The following GTF2B variants were observed in gnomAD, a reference collection of about 807,000 sequenced individuals.
GTF2B encodes the protein general transcription factor IIB, also known as transcription initiation factor IIB.
In GTF2B, 20 loss-of-function variants were observed where a neutral mutation model predicts 34.6. The ratio of observed to expected loss-of-function variants is 0.58; its 90% CI spans 0.41 to 0.84. The LOEUF is 0.84. GTF2B is among the 40% of genes least tolerant of loss of function. The pLI, the probability that GTF2B is intolerant of heterozygous loss-of-function variation, is 0.00. For missense variants in GTF2B, 237 were observed against 393.3 expected (o/e 0.60, Z 3.36); for synonymous variants, 142 against 132.4 (o/e 1.07, Z -0.50).
At chr1:88,891,121 G>GT (rs573160185) in intron 1 of GTF2B, among the ~76,000 whole-genome samples, 1 of 26,146 alleles carries the variant, frequency 3.8e-5, no homozygotes, top group South Asian at 2.4e-3. Context: ...AAAAACAAGC[G>GT]GGGGGGGGGG....
At chr1:88,856,479 T>C (rs1022303947) in intron 6 of GTF2B, among the ~76,000 whole-genome samples, 10 of 152,054 alleles carry the variant, frequency 6.6e-5, no homozygotes, top group Admixed American at 6.6e-5. Context: ...TAAAGGCTGA[T>C]GGCCAACACG....
At chr1:88,866,474 T>C (rs1263595062) in intron 2 of GTF2B, among the ~76,000 whole-genome samples, 1 of 152,204 alleles carries the variant, frequency 6.6e-6, no homozygotes, top group Non-Finnish European at 1.5e-5. Context: ...AGTGGTGCAA[T>C]TTTGGCTCAC....
intron 2 of GTF2B, among the ~76,000 whole-genome samples, chr1:88,867,546 G>A (rs1225190261): frequency 6.7e-6 from 1 of 148,198 alleles, no homozygotes; most frequent in Non-Finnish European, 1.5e-5. Flanking sequence ...TAAATTTTAA[G>A]CTAAAAAAAA....
chr1:88,857,083 G>T, intron 6 of GTF2B, 123 bp downstream of exon 6: 1 of 845,852 alleles, frequency 1.2e-6, no homozygotes, highest in Non-Finnish European at 1.9e-6. Flanking sequence ...TTATAGGTGT[G>T]AGCCCCCGCG....
chr1:88,875,726 G>A (rs553286886), intron 2 of GTF2B, among the ~76,000 whole-genome samples: 71 of 152,218 alleles, frequency 4.7e-4, no homozygotes, highest in Middle Eastern at 3.4e-3. Flanking sequence ...AGCTTTTACC[G>A]CGGATACTGT....
At chr1:88,876,048 GAAAAA>G (rs1420770074) in intron 2 of GTF2B, among the ~76,000 whole-genome samples, 4 of 111,296 alleles carry the variant, frequency 3.6e-5, no homozygotes, top group African/African-American at 1.0e-4. Context: ...ATGTTTAAGA[GAAAAA>G]CTGCACCCAA....
At chr1:88,858,432 G>T (rs1414350301) in intron 5 of GTF2B, among the ~76,000 whole-genome samples, 2 of 152,164 alleles carry the variant, frequency 1.3e-5, no homozygotes, top group Non-Finnish European at 2.9e-5. Context: ...GGAATTGAAA[G>T]AAAATACTCA....
intron 2 of GTF2B, among the ~76,000 whole-genome samples, chr1:88,878,580 A>G (rs1041771735): frequency 2.0e-5 from 3 of 152,230 alleles, no homozygotes; most frequent in Admixed American, 6.5e-5. Flanking sequence ...GATGGCAACA[A>G]TATCTCCCAT....
Position 88,887,271 on chromosome 1 carries a change from G to T in GTF2B, c.114C>A (p.Gly38=). ...ATAATAACAACTCACCTACAACCAA[G>T]CCACATTCAGGACAGATCATATCAC... The part of the protein sequence containing the change: ...RAGDMICPEC[G]LVVGDRVIDV... The change falls in exon 2 of 7, where the codon GGC becomes GGA. Residue 38 remains glycine, a synonymous_variant. Transcript: ENST00000370500. 6.3e-7 allele frequency: 1 copy of T among 1,599,874 alleles called. No individual in the cohort carries two copies. The highest frequency in any genetic ancestry group is 8.6e-7 in the Non-Finnish European group (1 of 1,167,498).
In GTF2B at chr1:88,884,370, T is replaced by C. The variant is rs180805270; in HGVS notation, c.124+2891A>G. On this transcript the variant is annotated intron_variant, in intron 2 of 6. Coordinates refer to ENST00000370500, the MANE Select transcript of GTF2B (RefSeq NM_001514.6). ...AAACAACTGCAAAGCAGCAATAACATTGATCTAGTCATCAAGAGCCAAGGA... is the reference window on the plus strand; with the variant it reads ...AAACAACTGCAAAGCAGCAATAACACTGATCTAGTCATCAAGAGCCAAGGA... Among the ~76,000 whole-genome samples, 25 of 152,284 alleles carry C rather than the reference T, an allele frequency of 1.6e-4. No homozygotes were observed. In the East Asian group the frequency reaches 1.9e-3, roughly 12 times the overall value.
chr1:88,864,006 C>A lies in GTF2B; in HGVS notation c.233G>T (p.Gly78Val). The stretch of plus-strand genomic sequence containing the variant: ...CTTGCCAATCATGGTAGACAAATCT[C>A]CATCACTCAGAAGAGGATTCTGAGA... Reference protein sequence around the residue: ...GDSQNPLLSDGDLSTMIGKGT... With the variant: ...GDSQNPLLSDVDLSTMIGKGT... The change falls in exon 3 of 7, where the codon GGA (glycine) becomes GTA (valine). Residue 78 changes from glycine to valine, a missense_variant. This residue lies in a region of GTF2B where 130 missense variants were observed against 170.9 expected (regional missense o/e 0.76). Coordinates refer to ENST00000370500, the MANE Select transcript of GTF2B (RefSeq NM_001514.6). 6.2e-7 allele frequency: 1 copy of A among 1,613,794 alleles called. No homozygotes were observed.
intron 6 of GTF2B, 79 bp downstream of exon 6, chr1:88,857,127 G>C (rs981555971): frequency 2.3e-6 from 3 of 1,314,712 alleles, no homozygotes; most frequent in East Asian, 2.3e-5. Context: ...CTATTTACCC[G>C]GTTCAGACTT....
chr1:88,887,970 T>G (rs1674116732), intron 1 of GTF2B: 1 of 152,300 alleles, frequency 6.6e-6, no homozygotes, highest in South Asian at 2.1e-4. Context: ...GTGATATTAA[T>G]AATTAGCTCA....
At chr1:88,862,123 TAA>T (rs1452117338) in intron 3 of GTF2B, among the ~76,000 whole-genome samples, 3 of 152,208 alleles carry the variant, frequency 2.0e-5, no homozygotes, top group South Asian at 2.1e-4. Context: ...CTAGTGCTAC[TAA>T]ATACTAAAAC....
intron 2 of GTF2B, among the ~76,000 whole-genome samples, chr1:88,866,933 G>A (rs142094523): frequency 4.7e-4 from 72 of 152,246 alleles, no homozygotes; most frequent in African/African-American, 1.6e-3. Flanking sequence ...GGAGAAAAGC[G>A]TTAGATGGAT....
At chr1:88,865,074 G>A (rs914735048) in intron 2 of GTF2B, among the ~76,000 whole-genome samples, 2 of 152,130 alleles carry the variant, frequency 1.3e-5, no homozygotes, top group African/African-American at 4.8e-5. Context: ...ACAGCAAACA[G>A]AAAGAAACAA....
At chr1:88,855,353 GTTT>G (rs1315421121) in intron 6 of GTF2B, among the ~76,000 whole-genome samples, 2 of 134,060 alleles carry the variant, frequency 1.5e-5, no homozygotes, top group African/African-American at 5.7e-5. Context: ...TTCACTTTCT[GTTT>G]TTGTTTTTTT....
At chr1:88,889,628 A>G (rs1246559768) in intron 1 of GTF2B, among the ~76,000 whole-genome samples, 1 of 152,260 alleles carries the variant, frequency 6.6e-6, no homozygotes, top group Non-Finnish European at 1.5e-5. Context: ...CTTACATTTG[A>G]ACTCAGAACA....
chr1:88,864,793 T>C (rs1162305691), intron 2 of GTF2B, among the ~76,000 whole-genome samples: 1 of 152,230 alleles, frequency 6.6e-6, no homozygotes, highest in East Asian at 1.9e-4. Context: ...ACCTTCAGAG[T>C]AGACAAAAGT....
Sources: allele counts gnomAD v4.1 joint callset (sites outside exome capture counted in the v4.1 genomes callset), GRCh38; gene constraint gnomAD v4.1.1; regional missense constraint gnomAD v4.1.1; transcripts MANE v1.5; gene names NCBI Gene and HGNC (gene_info 2026-07-23, HGNC 2026-07-21).